LPXN: variants seen among roughly 807,000 people sequenced by gnomAD.
The protein encoded by LPXN is leupaxin.
A neutral mutation model predicts 45.6 loss-of-function variants in LPXN; 28 were observed. The observed-to-expected ratio is 0.61, with a 90% CI of 0.45 to 0.84. The LOEUF is 0.84. Ranked by LOEUF, LPXN falls within the 40% of genes least tolerant of loss-of-function variation. The pLI, the probability that LPXN is intolerant of heterozygous loss-of-function variation, is 0.00. For missense variants in LPXN, 459 were observed against 475.0 expected (o/e 0.97, Z 0.31); for synonymous variants, 166 against 169.9 (o/e 0.98, Z 0.18).
upstream of LPXN, among the ~76,000 whole-genome samples, chr11:58,576,785 C>CT (rs1264279263): frequency 2.0e-5 from 3 of 152,052 alleles, no homozygotes; most frequent in Non-Finnish European, 4.4e-5. Flanking sequence ...GCCTTCTTTA[C>CT]TTTTTTTAAG....
At chr11:58,554,198 A>C (rs1205939003) in intron 4 of LPXN, 1 of 152,826 alleles carries the variant, frequency 6.5e-6, no homozygotes, top group African/African-American at 2.4e-5. Flanking sequence ...CTGTAATCCC[A>C]GCTACTCGGA....
intron 3 of LPXN, among the ~76,000 whole-genome samples, chr11:58,557,683 G>C (rs1294406033): frequency 2.6e-5 from 4 of 152,132 alleles, no homozygotes; most frequent in Non-Finnish European, 5.9e-5. Flanking sequence ...GATTCCTGTT[G>C]CAAGAGTAAA....
At position 58,565,816 on chromosome 11, in the gene LPXN, T is replaced by C. The variant is rs11229526; in HGVS notation, c.172-1615A>G. On this transcript the variant is annotated intron_variant, in intron 2 of 8. Coordinates refer to ENST00000395074, the MANE Select transcript of LPXN (RefSeq NM_004811.3). The stretch of plus-strand genomic sequence containing the variant: ...CCTGGTGTCATGTGACCAGACATGG[T>C]GAAACCCTGTCTCTACTAAAAATAC... Among the ~76,000 whole-genome samples, 14 of 152,124 alleles carry C rather than the reference T, an allele frequency of 9.2e-5. No individual in the cohort carries two copies. In the East Asian group the frequency reaches 2.3e-3, roughly 25 times the overall value.
intron 3 of LPXN, among the ~76,000 whole-genome samples, chr11:58,563,555 A>G (rs1025533810): frequency 3.9e-5 from 6 of 152,218 alleles, no homozygotes; most frequent in African/African-American, 1.4e-4. Context: ...ATTGCAAGCT[A>G]TAACTAAGGA....
intron 3 of LPXN, among the ~76,000 whole-genome samples, chr11:58,562,090 GT>G (rs1324972816): frequency 6.6e-6 from 1 of 151,956 alleles, no homozygotes; most frequent in African/African-American, 2.4e-5. Context: ...ATTGTGCTGG[GT>G]TTTTTTCCCC....
chr11:58,540,186 T>A (rs75381348), intron 7 of LPXN, among the ~76,000 whole-genome samples: 4,542 of 152,106 alleles, frequency 0.03, 228 homozygotes, highest in African/African-American at 0.1. Flanking sequence ...AACAGTATCA[T>A]GAGAAAGCAG....
intron 5 of LPXN, 86 bp downstream of exon 5, chr11:58,550,979 C>G: frequency 7.7e-7 from 1 of 1,294,336 alleles, no homozygotes; most frequent in Non-Finnish European, 1.0e-6. Flanking sequence ...ACTAAAATAT[C>G]TTAAAATATA....
intron 3 of LPXN, among the ~76,000 whole-genome samples, chr11:58,557,734 T>C (rs1445558811): frequency 6.6e-6 from 1 of 152,232 alleles, no homozygotes; most frequent in African/African-American, 2.4e-5. Context: ...AACAAAAATG[T>C]GTAACTGTGT....
intron 7 of LPXN, among the ~76,000 whole-genome samples, chr11:58,532,961 G>A (rs549818321): frequency 2.0e-5 from 3 of 151,558 alleles, no homozygotes; most frequent in South Asian, 2.1e-4. Context: ...GCGAGACCAC[G>A]AATCCACCAG....
intron 7 of LPXN, among the ~76,000 whole-genome samples, chr11:58,534,094 T>G (rs576586993): frequency 6.6e-6 from 1 of 152,326 alleles, no homozygotes; most frequent in South Asian, 2.1e-4. Flanking sequence ...AACACCCCAC[T>G]GTCAATATTA....
intron 7 of LPXN, among the ~76,000 whole-genome samples, chr11:58,535,978 A>T (rs1402976611): frequency 2.0e-5 from 3 of 152,220 alleles, no homozygotes; most frequent in South Asian, 2.1e-4. Flanking sequence ...ATTCAAGGAG[A>T]ACTACAAACC....
At chr11:58,552,153 C>A (rs1277498692) in intron 4 of LPXN, among the ~76,000 whole-genome samples, 2 of 152,092 alleles carry the variant, frequency 1.3e-5, no homozygotes, top group African/African-American at 4.8e-5. Context: ...TAAGTGTTGA[C>A]AAGCAAGAGT....
At chr11:58,575,211 A>G (rs1854845049) in intron 1 of LPXN, among the ~76,000 whole-genome samples, 1 of 152,200 alleles carries the variant, frequency 6.6e-6, no homozygotes, top group African/African-American at 2.4e-5. Flanking sequence ...TAAAAAGCTT[A>G]GCAACAAAAT....
At chr11:58,560,261 T>TAC in intron 3 of LPXN, among the ~76,000 whole-genome samples, 1 of 152,186 alleles carries the variant, frequency 6.6e-6, no homozygotes, top group East Asian at 1.9e-4. Flanking sequence ...TCAGTTATTA[T>TAC]ACACACACAT....
chr11:58,533,302 G>GGTTGGGTAA (rs1853452055), intron 7 of LPXN, among the ~76,000 whole-genome samples: 1 of 152,206 alleles, frequency 6.6e-6, no homozygotes, highest in Non-Finnish European at 1.5e-5. Flanking sequence ...ACAAAGGGAA[G>GGTTGGGTAA]CCCATCAGAC....
rs1157052409 is a variant in LPXN at position 58,527,575 on chromosome 11, T to C, written c.1040A>G (p.Lys347Arg). ...ACACACAAAGTGCTCAGGATGGAAC[T>C]TGTACCCCATGGCACTGATACAACG... ...TGRCISAMGY[K>R]FHPEHFVCAF... The change falls in exon 9 of 9, where the codon AAG (lysine) becomes AGG (arginine). Residue 347 changes from lysine (K) to arginine (R), a missense_variant. Lys to Arg is a conservative substitution (Grantham distance 26). Transcript: ENST00000395074. The C allele has an allele frequency of 6.2e-7, 1 of 1,614,020 alleles. No homozygotes were observed. The highest frequency in any genetic ancestry group is 1.3e-5 in the African/African-American group (1 of 74,916).
chr11:58,549,928 C>T, intron 6 of LPXN, 45 bp downstream of exon 6: 1 of 1,613,858 alleles, frequency 6.2e-7, no homozygotes, highest in East Asian at 2.2e-5. Context: ...GACTCTGGTT[C>T]TAAGTGAGTG....
Position 58,528,051 on chromosome 11 carries a change from C to G in LPXN, c.883G>C (p.Val295Leu), listed in dbSNP as rs1406387826. Residue 295 changes from valine (V) to leucine (L), a missense_variant, in exon 8 of 9, where the codon GTT (valine) becomes CTT (leucine). Physicochemically the swap from Val to Leu is conservative, Grantham distance 32. Transcript: ENST00000395074. ...AAAGTGATTATACAGACCCCACAAA[C>G]AAAGCACTCTGGGTGCCAGACAGTG... ...MDTVWHPECF[V>L]CGDCFTSFST... is the part of the protein sequence containing the mutation. The G allele has an allele frequency of 6.2e-7, 1 of 1,613,980 alleles. No individual in the cohort carries two copies. Among genetic ancestry groups the G allele is most frequent in the African/African-American group, 1.3e-5 (1 of 75,056 alleles).
chr11:58,554,853 C>A lies in LPXN; in HGVS notation c.306G>T (p.Glu102Asp), dbSNP rs558274434. 1.9e-4 allele frequency: 310 copies of A among 1,613,786 alleles called. 4 individuals carry two copies. In the South Asian group the frequency reaches 3.3e-3, roughly 17 times the overall value. Residue 102 changes from glutamate (E) to aspartate (D), a missense_variant, in exon 4 of 9, where the codon GAG (glutamate) becomes GAT (aspartate). Glu to Asp is a conservative substitution (Grantham distance 45). Coordinates refer to ENST00000395074, the MANE Select transcript of LPXN (RefSeq NM_004811.3). Reference protein sequence around the residue: ...QLDELMAHLTEMQAKVAVRAD... With the variant: ...QLDELMAHLTDMQAKVAVRAD... The stretch of plus-strand genomic sequence containing the variant: ...GGCCTGCACTCACCTTGGCCTGCAT[C>A]TCAGTCAGGTGAGCCATGAGCTCAT...
Sources: allele counts gnomAD v4.1 joint callset (sites outside exome capture counted in the v4.1 genomes callset), GRCh38; gene constraint gnomAD v4.1.1; transcripts MANE v1.5; gene names NCBI Gene and HGNC (gene_info 2026-07-23, HGNC 2026-07-21).